TBC1D14: variants seen among roughly 807,000 people sequenced by gnomAD.
TBC1D14 encodes TBC1 domain family, member 14.
TBC1D14 carries 26 observed loss-of-function variants against 79.0 expected under a neutral mutation model. The ratio of observed to expected loss-of-function variants is 0.33; its 90% CI spans 0.24 to 0.46. The LOEUF (loss-of-function observed/expected upper bound fraction) is 0.46. TBC1D14 is among the 20% of genes least tolerant of loss of function. TBC1D14 has a pLI of 1.00. For missense variants in TBC1D14, 769 were observed against 887.6 expected, an observed-to-expected ratio of 0.87 and a Z score of 1.70; for synonymous variants, 394 against 349.9, an observed-to-expected ratio of 1.13 and a Z score of -1.40.
chr4:6,960,188 C>A (rs917451128), intron 2 of TBC1D14, among the ~76,000 whole-genome samples: 1 of 149,622 alleles, frequency 6.7e-6, no homozygotes, highest in Non-Finnish European at 1.5e-5. Flanking sequence ...CTCAAGTGAT[C>A]TTCCCACCTT....
chr4:6,990,357 G>A (rs1718363818), intron 3 of TBC1D14, among the ~76,000 whole-genome samples: 1 of 152,234 alleles, frequency 6.6e-6, no homozygotes, highest in South Asian at 2.1e-4. Context: ...GCTGAGGCAG[G>A]AGAATCGCTT....
At chr4:6,934,713 C>T (rs1489473289) in intron 2 of TBC1D14, among the ~76,000 whole-genome samples, 5 of 151,950 alleles carry the variant, frequency 3.3e-5, no homozygotes, top group Non-Finnish European at 7.4e-5. Context: ...ATGAGGAGGC[C>T]ATCAGTGACC....
intron 13 of TBC1D14, among the ~76,000 whole-genome samples, chr4:7,026,552 C>G (rs1269920138): frequency 2.0e-5 from 3 of 152,146 alleles, no homozygotes; most frequent in African/African-American, 7.2e-5. Context: ...CTATGCCACG[C>G]CACTTCTCAC....
At chr4:6,913,345 G>GGT (rs1219769307) in intron 1 of TBC1D14, among the ~76,000 whole-genome samples, 4 of 152,212 alleles carry the variant, frequency 2.6e-5, no homozygotes, top group African/African-American at 9.7e-5. Flanking sequence ...ACATAGAAGT[G>GGT]TAAGAATGGT....
At chr4:6,979,980 C>A (rs773224009) in intron 3 of TBC1D14, among the ~76,000 whole-genome samples, 1 of 152,164 alleles carries the variant, frequency 6.6e-6, no homozygotes, top group Non-Finnish European at 1.5e-5. Flanking sequence ...ACAGTCCTCA[C>A]TAAACAGTAA....
intron 3 of TBC1D14, among the ~76,000 whole-genome samples, chr4:6,980,044 C>T (rs1029036142): frequency 6.6e-6 from 1 of 152,132 alleles, no homozygotes; most frequent in African/African-American, 2.4e-5. Flanking sequence ...CACCATCAAC[C>T]AACCTGATCT....
At chr4:6,968,081 C>T (rs529837627) in intron 3 of TBC1D14, among the ~76,000 whole-genome samples, 6 of 152,284 alleles carry the variant, frequency 3.9e-5, no homozygotes, top group South Asian at 4.1e-4. Context: ...GGGTCTCAGC[C>T]GGCTCGGCAT....
chr4:6,911,848 G>A (rs1437089210), intron 1 of TBC1D14, among the ~76,000 whole-genome samples: 3 of 152,338 alleles, frequency 2.0e-5, no homozygotes, highest in South Asian at 4.1e-4. Context: ...GTCGGGGGTT[G>A]CTTGGGGAGT....
chr4:6,997,843 G>A (rs4544710), intron 5 of TBC1D14, among the ~76,000 whole-genome samples: 19,988 of 152,120 alleles, frequency 0.13, 1,388 homozygotes, highest in Middle Eastern at 0.2. Flanking sequence ...AAAGTAGAAT[G>A]ATGGGTGCTA....
chr4:6,998,561 T>C (rs1301540195), intron 5 of TBC1D14, among the ~76,000 whole-genome samples: 2 of 151,362 alleles, frequency 1.3e-5, no homozygotes, highest in African/African-American at 4.9e-5. Context: ...TTTTTTGAGG[T>C]GTAGTCTCGC....
intron 2 of TBC1D14, among the ~76,000 whole-genome samples, chr4:6,946,671 G>T (rs770994165): frequency 5.3e-5 from 8 of 152,106 alleles, no homozygotes; most frequent in Non-Finnish European, 1.2e-4. Flanking sequence ...AACTCTGATG[G>T]TAACTGATTG....
chr4:7,005,919 A>G (rs1452450368), intron 8 of TBC1D14, among the ~76,000 whole-genome samples: 1 of 152,236 alleles, frequency 6.6e-6, no homozygotes, highest in Non-Finnish European at 1.5e-5. Context: ...AGAATTCTCC[A>G]TAACACACAA....
intron 6 of TBC1D14, among the ~76,000 whole-genome samples, chr4:7,000,454 A>C (rs554774042): frequency 6.6e-6 from 1 of 152,206 alleles, no homozygotes; most frequent in African/African-American, 2.4e-5. Context: ...TCCGGATTCC[A>C]CAGGTAAGGA....
intron 1 of TBC1D14, among the ~76,000 whole-genome samples, chr4:6,919,821 A>G (rs1406000266): frequency 3.3e-5 from 5 of 151,918 alleles, no homozygotes; most frequent in African/African-American, 9.7e-5. Context: ...GGGTTTCACC[A>G]TGTTGGTCAG....
chr4:7,013,697 C>G (rs551937564), intron 11 of TBC1D14, among the ~76,000 whole-genome samples: 1 of 151,752 alleles, frequency 6.6e-6, no homozygotes, highest in South Asian at 2.1e-4. Context: ...GTGTAGCCCC[C>G]TGGAAGTGCC....
At chr4:6,987,378 C>G in intron 3 of TBC1D14, 1 of 1,413,500 alleles carries the variant, frequency 7.1e-7, no homozygotes, top group Non-Finnish European at 9.3e-7. Context: ...CGGTGCCTCT[C>G]CCTGCGCCCC....
In TBC1D14 at chr4:7,023,199, G is replaced by C. The variant is rs1331704833; in HGVS notation, c.1758-1805G>C. ...ACCTGGGAGGTGGAGGTTGCAGTGA[G>C]TCGAAATCGCACCACTACTGCACTC... On this transcript the variant is annotated intron_variant, in intron 12 of 13. Transcript: ENST00000409757. Among the ~76,000 whole-genome samples the C allele has an allele frequency of 3.3e-5, 5 of 152,334 alleles. No individual in the cohort carries two copies. The East Asian group carries it at 7.7e-4, about 24-fold the overall frequency.
At chr4:7,014,399 G>T in intron 11 of TBC1D14, 49 bp from the exon 12 acceptor site, 1 of 1,304,902 alleles carries the variant, frequency 7.7e-7, no homozygotes, top group South Asian at 1.2e-5. Context: ...TTTGTAAATT[G>T]AAAACTTGTG....
chr4:6,934,302 G>T (rs559906452), intron 2 of TBC1D14, among the ~76,000 whole-genome samples: 5 of 152,126 alleles, frequency 3.3e-5, no homozygotes, highest in African/African-American at 1.2e-4. Context: ...GGGAGGGCAC[G>T]AGTGTGGGGT....
Sources: allele counts gnomAD v4.1 joint callset (sites outside exome capture counted in the v4.1 genomes callset), GRCh38; gene constraint gnomAD v4.1.1; transcripts MANE v1.5; gene names NCBI Gene and HGNC (gene_info 2026-07-23, HGNC 2026-07-21).